The following PAPPA2 variants were observed in gnomAD, a reference collection of about 807,000 sequenced individuals.
The protein encoded by PAPPA2 is pappalysin 2, also known as pappalysin-2.
PAPPA2 carries 86 observed loss-of-function variants against 176.4 expected under a neutral mutation model. The observed-to-expected ratio is 0.49, with a 90% CI of 0.41 to 0.58. PAPPA2 has a LOEUF of 0.58. Ranked by LOEUF, PAPPA2 falls within the 20% of genes least tolerant of loss-of-function variation. The pLI, the probability that PAPPA2 is intolerant of heterozygous loss-of-function variation, is 0.00. For synonymous variants in PAPPA2, 809 were observed against 852.2 expected, an observed-to-expected ratio of 0.95 and a Z score of 0.88; for missense variants, 2,073 against 2,256.9, an observed-to-expected ratio of 0.92 and a Z score of 1.65.
chr1:176,727,656 G>A (rs542966172), intron 12 of PAPPA2, among the ~76,000 whole-genome samples: 91 of 151,748 alleles, frequency 6.0e-4, no homozygotes, highest in Non-Finnish European at 1.2e-3. Flanking sequence ...CATTTAATAA[G>A]TAGGCCAAAA....
At chr1:176,786,780 A>G (rs1251457442) in intron 17 of PAPPA2, among the ~76,000 whole-genome samples, 1 of 152,188 alleles carries the variant, frequency 6.6e-6, no homozygotes, top group East Asian at 1.9e-4. Context: ...TCTCAGGCTC[A>G]GTTTTCTTCT....
At chr1:176,618,189 T>C (rs1655380724) in intron 3 of PAPPA2, among the ~76,000 whole-genome samples, 1 of 152,218 alleles carries the variant, frequency 6.6e-6, no homozygotes, top group Admixed American at 6.5e-5. Flanking sequence ...CTTTGGAATG[T>C]TGCAGATTTT....
chr1:176,731,696 T>TACATATATGTGTATATATACAC (rs1220920123), intron 12 of PAPPA2, among the ~76,000 whole-genome samples: 1 of 151,948 alleles, frequency 6.6e-6, no homozygotes, highest in African/African-American at 2.4e-5. Flanking sequence ...CATATATGTG[T>TACATATATGTGTATATATACAC]ACATATATGT....
intron 1 of PAPPA2, among the ~76,000 whole-genome samples, chr1:176,536,602 G>A (rs928234954): frequency 2.0e-5 from 3 of 152,202 alleles, no homozygotes; most frequent in African/African-American, 7.2e-5. Flanking sequence ...CCTCAACTGG[G>A]ATGACCAGGA....
chr1:176,714,430 G>A (rs1253999318), intron 12 of PAPPA2, among the ~76,000 whole-genome samples: 1 of 151,402 alleles, frequency 6.6e-6, no homozygotes, highest in Non-Finnish European at 1.5e-5. Flanking sequence ...AGGATACCTT[G>A]AGGATAAATT....
intron 6 of PAPPA2, among the ~76,000 whole-genome samples, chr1:176,693,544 G>A (rs1660222433): frequency 6.6e-6 from 1 of 152,246 alleles, no homozygotes; most frequent in African/African-American, 2.4e-5. Context: ...GTGCCCTTCA[G>A]CTTTGCTGAA....
chr1:176,594,677 G>A lies in PAPPA2; in HGVS notation c.1073G>A (p.Arg358His), dbSNP rs372406410. The A allele has an allele frequency of 4.1e-5, 66 of 1,614,214 alleles. No individual in the cohort carries two copies. In the East Asian group the frequency reaches 4.5e-4, roughly 11 times the overall value. Residue 358 changes from arginine to histidine, a missense_variant, in exon 3 of 23, where the codon CGC becomes CAC. Transcript: ENST00000367662. ...GCCACCATCTTGATTAGCCACAGTCGCTACCAACCAGGCACATGGACCCAT... is the reference window on the plus strand; with the variant it reads ...GCCACCATCTTGATTAGCCACAGTCACTACCAACCAGGCACATGGACCCAT... ...KKATILISHS[R>H]YQPGTWTHVA...
chr1:176,730,517 G>A (rs769262945), intron 12 of PAPPA2, among the ~76,000 whole-genome samples: 2 of 150,756 alleles, frequency 1.3e-5, no homozygotes, highest in Non-Finnish European at 3.0e-5. Flanking sequence ...CGCATGCATG[G>A]GGTTTGTCTG....
At chr1:176,518,469 AC>A (rs1317184529) in intron 1 of PAPPA2, among the ~76,000 whole-genome samples, 1,510 of 149,508 alleles carry the variant, frequency 0.01, 32 homozygotes, top group African/African-American at 0.035. Context: ...AAAAAAAAAA[AC>A]AAACAAACTT....
intron 3 of PAPPA2, among the ~76,000 whole-genome samples, chr1:176,639,876 T>C (rs1656966743): frequency 6.6e-6 from 1 of 151,896 alleles, no homozygotes; most frequent in South Asian, 2.1e-4. Flanking sequence ...CAATATTTTA[T>C]TTAATCAGTG....
At chr1:176,736,876 T>C (rs1662442176) in intron 12 of PAPPA2, among the ~76,000 whole-genome samples, 2 of 151,840 alleles carry the variant, frequency 1.3e-5, no homozygotes, top group Admixed American at 1.3e-4. Context: ...ACAATATTGA[T>C]CATTTCCATG....
chr1:176,765,752 GC>G lies in PAPPA2; in HGVS notation c.4241del (p.Pro1414GlnfsTer4). 1 of 1,614,060 alleles carries G rather than the reference GC, an allele frequency of 6.2e-7. No individual in the cohort carries two copies. Among genetic ancestry groups the G allele is most frequent in the Non-Finnish European group, 8.5e-7 (1 of 1,180,030 alleles). The part of the protein sequence containing the change: ...HADVVNCTSI[G>X]PGLMKCAITC... ...GATGTGGTGAACTGTACCTCTATAGGCCCAGGTCTCATGAAGTGTGCTATCA... is the reference window on the plus strand; with the variant it reads ...GATGTGGTGAACTGTACCTCTATAGGCCAGGTCTCATGAAGTGTGCTATCA... On this transcript the variant is annotated frameshift_variant, in exon 15 of 23. Coordinates refer to ENST00000367662, the MANE Select transcript of PAPPA2 (RefSeq NM_020318.3). LOFTEE classifies it high-confidence loss of function.
At position 176,800,147 on chromosome 1, in the gene PAPPA2, C is replaced by T. The variant is rs915367323; in HGVS notation, c.5202+15C>T. The T allele has an allele frequency of 1.2e-6, 2 of 1,613,308 alleles. No homozygotes were observed. The highest frequency in any genetic ancestry group is 1.1e-5 in the South Asian group (1 of 91,014). On this transcript the variant is annotated intron_variant, in intron 21 of 22. Transcript: ENST00000367662. The stretch of plus-strand genomic sequence containing the variant: ...AGTCATGTGAGGTAAGATAGCCTCC[C>T]CTTCCCCAACTCAGACTAGAGAACT...
chr1:176,653,728 C>G (rs973226205), intron 3 of PAPPA2, among the ~76,000 whole-genome samples: 3 of 151,674 alleles, frequency 2.0e-5, no homozygotes, highest in African/African-American at 7.3e-5. Context: ...CCTTATACCC[C>G]ACTCCGTCTC....
rs1459689646 is a variant in PAPPA2, at chr1:176,793,593, C to G, written c.5054C>G (p.Pro1685Arg). ...AVCSPLCVIPPSDPVMLPENI... is the reference protein window; with the variant it reads ...AVCSPLCVIPRSDPVMLPENI... ...TGTTCCCCATTGTGTGTAATCCCCCCCAGTGACCCCGTGATGCTACCTGAG... is the reference window on the plus strand; with the variant it reads ...TGTTCCCCATTGTGTGTAATCCCCCGCAGTGACCCCGTGATGCTACCTGAG... The change falls in exon 20 of 23, where the codon CCC (proline) becomes CGC (arginine). Residue 1685 changes from proline (P) to arginine (R), a missense_variant. This residue lies in a region of PAPPA2 where 846 missense variants were observed against 857.9 expected (regional missense o/e 0.99). Coordinates refer to ENST00000367662, the MANE Select transcript of PAPPA2 (RefSeq NM_020318.3). 1.2e-5 allele frequency: 20 copies of G among 1,613,118 alleles called. No individual in the cohort carries two copies. Among genetic ancestry groups the G allele is most frequent in the Admixed American group, 5.0e-5 (3 of 59,952 alleles).
chr1:176,684,295 T>A (rs977621118), intron 4 of PAPPA2, among the ~76,000 whole-genome samples: 2 of 152,192 alleles, frequency 1.3e-5, no homozygotes, highest in Non-Finnish European at 2.9e-5. Flanking sequence ...TTTACACTAG[T>A]ACTTTAAAGC....
In PAPPA2 at chr1:176,791,493, G is replaced by C; in HGVS notation, c.5020+11G>C. The C allele has an allele frequency of 2.5e-6, 4 of 1,607,184 alleles. No homozygotes were observed. The highest frequency in any genetic ancestry group is 3.4e-6 in the Non-Finnish European group (4 of 1,176,696). On this transcript the variant is annotated intron_variant, in intron 19 of 22. Transcript: ENST00000367662. The stretch of plus-strand genomic sequence containing the variant: ...AAGGATATGGGATTGGTAAGGATAG[G>C]AGTGAATCTTAAAGTCAATTTCTAT...
In PAPPA2 at chr1:176,714,583, G is replaced by A. The variant is rs141543449; in HGVS notation, c.3798+2602G>A. Among the ~76,000 whole-genome samples the A allele has an allele frequency of 2.6e-4, 40 of 152,202 alleles. 2 individuals are homozygous for A. The East Asian group carries it at 6.9e-3, about 26-fold the overall frequency. ...CACAGGCACCATAACCTACATCTGC[G>A]GAAGAAGCCATGACCTACCTCTGTA... is the stretch of plus-strand genomic sequence containing the variant. On this transcript the variant is annotated intron_variant, in intron 12 of 22. Coordinates refer to ENST00000367662, the MANE Select transcript of PAPPA2 (RefSeq NM_020318.3).
chr1:176,779,978 G>A (rs538842822), intron 17 of PAPPA2, among the ~76,000 whole-genome samples: 29 of 152,300 alleles, frequency 1.9e-4, no homozygotes, highest in African/African-American at 7.0e-4. Flanking sequence ...GTAATGTCAG[G>A]AGTATGGCCA....
Sources: gnomAD v4.1 joint callset for allele counts (sites outside exome capture counted in the v4.1 genomes callset) on GRCh38, gnomAD v4.1.1 for gene constraint, gnomAD v4.1.1 regional missense constraint, MANE v1.5 for transcripts, NCBI Gene and HGNC (gene_info 2026-07-23, HGNC 2026-07-21) for gene names.